The following ATP8B4 variants were observed in gnomAD, a reference collection of about 807,000 sequenced individuals.
ATP8B4 encodes the protein probable phospholipid-transporting ATPase IM.
A neutral mutation model predicts 145.6 loss-of-function variants in ATP8B4; 133 were observed. The observed-to-expected ratio is 0.91, with a 90% CI of 0.79 to 1.05. ATP8B4 has a LOEUF of 1.05. Among genes scored for constraint, ATP8B4 ranks in the 50% least tolerant of loss-of-function variants. The pLI, the probability that ATP8B4 is intolerant of heterozygous loss-of-function variation, is 0.00. For synonymous variants in ATP8B4, 507 were observed against 492.9 expected (o/e 1.03, Z -0.38); for missense variants, 1,458 against 1,425.2 (o/e 1.02, Z -0.37).
intron 3 of ATP8B4, among the ~76,000 whole-genome samples, chr15:50,063,355 G>A (rs2053161938): frequency 1.3e-5 from 2 of 151,672 alleles, no homozygotes; most frequent in Non-Finnish European, 2.9e-5. Flanking sequence ...GAATCACTAG[G>A]GGAGCTTTAA....
intron 9 of ATP8B4, among the ~76,000 whole-genome samples, chr15:49,993,882 G>T (rs1264478870): frequency 6.6e-6 from 1 of 152,014 alleles, no homozygotes; most frequent in Non-Finnish European, 1.5e-5. Context: ...AAAAAAGAGA[G>T]GTCTGTGTTG....
chr15:49,903,131 G>A (rs1169771196), intron 20 of ATP8B4, among the ~76,000 whole-genome samples: 1 of 152,096 alleles, frequency 6.6e-6, no homozygotes, highest in Non-Finnish European at 1.5e-5. Context: ...ACGTCTCTTG[G>A]CCAGATTGGG....
intron 1 of ATP8B4, among the ~76,000 whole-genome samples, chr15:50,116,131 G>A (rs1320260437): frequency 6.6e-6 from 1 of 152,064 alleles, no homozygotes; most frequent in African/African-American, 2.4e-5. Context: ...TAAATGATCT[G>A]TATGGGCCAG....
chr15:49,944,761 A>G (rs2042429366), intron 14 of ATP8B4, among the ~76,000 whole-genome samples: 1 of 152,186 alleles, frequency 6.6e-6, no homozygotes, highest in Admixed American at 6.5e-5. Flanking sequence ...AGCAGAATGC[A>G]CATTCTGTGT....
intron 26 of ATP8B4, among the ~76,000 whole-genome samples, chr15:49,863,087 C>T (rs543463025): frequency 5.3e-5 from 8 of 152,290 alleles, no homozygotes; most frequent in African/African-American, 7.2e-5. Flanking sequence ...AAGTAATGAT[C>T]GCATTGATTG....
intron 1 of ATP8B4, among the ~76,000 whole-genome samples, chr15:50,138,012 C>T (rs2044146227): frequency 6.6e-6 from 1 of 152,204 alleles, no homozygotes. Flanking sequence ...CCGTAATGCT[C>T]ATCTTAGTAT....
chr15:50,144,871 G>A (rs895552764), intron 1 of ATP8B4, among the ~76,000 whole-genome samples: 6 of 151,832 alleles, frequency 4.0e-5, no homozygotes, highest in African/African-American at 7.3e-5. Context: ...AAGCCGTCAC[G>A]GACTACTCTC....
chr15:49,907,174 A>C (rs1227546642), intron 20 of ATP8B4, among the ~76,000 whole-genome samples: 1 of 152,206 alleles, frequency 6.6e-6, no homozygotes, highest in African/African-American at 2.4e-5. Context: ...GACACTGATG[A>C]ACAGTAACAG....
chr15:50,153,680 C>A (rs955583429), intron 1 of ATP8B4, among the ~76,000 whole-genome samples: 1 of 152,044 alleles, frequency 6.6e-6, no homozygotes, highest in Non-Finnish European at 1.5e-5. Flanking sequence ...CAATGATGCA[C>A]GACCTACAAA....
chr15:50,014,247 C>A (rs533361636), intron 6 of ATP8B4, among the ~76,000 whole-genome samples: 79 of 152,130 alleles, frequency 5.2e-4, no homozygotes, highest in African/African-American at 1.8e-3. Flanking sequence ...TCCACTTAAC[C>A]CTGAGCTTGG....
chr15:50,175,969 G>A (rs1260391206), intron 1 of ATP8B4, among the ~76,000 whole-genome samples: 1 of 151,936 alleles, frequency 6.6e-6, no homozygotes, highest in African/African-American at 2.4e-5. Context: ...CAATCAATGA[G>A]TGGTTAAAGA....
At chr15:50,069,590 A>G (rs1356165575) in intron 3 of ATP8B4, among the ~76,000 whole-genome samples, 3 of 152,110 alleles carry the variant, frequency 2.0e-5, no homozygotes, top group African/African-American at 7.2e-5. Context: ...TATCTCCTTT[A>G]TCTACTTTTG....
At chr15:50,005,699 G>C (rs2153565202) in intron 7 of ATP8B4, among the ~76,000 whole-genome samples, 1 of 152,310 alleles carries the variant, frequency 6.6e-6, no homozygotes, top group African/African-American at 2.4e-5. Flanking sequence ...TTAGAATTTA[G>C]AACTTCTGAT....
intron 10 of ATP8B4, among the ~76,000 whole-genome samples, chr15:49,986,341 T>C (rs2046595585): frequency 6.6e-6 from 1 of 152,192 alleles, no homozygotes; most frequent in Non-Finnish European, 1.5e-5. Context: ...AGTAGGAAGA[T>C]AAAGGAATGT....
Position 50,059,029 on chromosome 15 carries a change from C to T in ATP8B4, c.88-11565G>A, listed in dbSNP as rs1467487162. On this transcript the variant is annotated intron_variant, in intron 3 of 27. Transcript: ENST00000284509. The stretch of plus-strand genomic sequence containing the variant: ...TCAATAATAATTTATGAATAAAGTG[C>T]CAATCTTTAATTTTTGTGATTATAT... 2.0e-5 allele frequency among the ~76,000 whole-genome samples: 3 copies of T among 151,952 alleles called. No individual in the cohort carries two copies. In the East Asian group the frequency reaches 5.8e-4, roughly 29 times the overall value.
intron 3 of ATP8B4, among the ~76,000 whole-genome samples, chr15:50,056,695 A>G (rs1230736321): frequency 7.1e-6 from 1 of 140,752 alleles, no homozygotes; most frequent in Non-Finnish European, 1.5e-5. Context: ...ATGTATATGT[A>G]TATGTGTATA....
intron 1 of ATP8B4, among the ~76,000 whole-genome samples, chr15:50,152,468 T>C (rs2044360397): frequency 6.6e-6 from 1 of 152,220 alleles, no homozygotes; most frequent in Non-Finnish European, 1.5e-5. Context: ...GTATCACTTA[T>C]TGTTTGACAA....
In ATP8B4 at chr15:49,923,473, A is replaced by G. The variant is rs746316816; in HGVS notation, c.1664T>C (p.Ile555Thr). The part of the protein sequence containing the change: ...SVIVRNPEGQ[I>T]KLYSKGADTI... ...ATCTGCTCCTTTGGAATAAAGCTTT[A>G]TCTGTCCTTCTGGGTTTCGAACTGA... Residue 555 changes from isoleucine to threonine, a missense_variant, in exon 17 of 28, where the codon ATA (isoleucine) becomes ACA (threonine). Ile to Thr is a moderately conservative substitution (Grantham distance 89). Transcript: ENST00000284509. The G allele has an allele frequency of 1.9e-6, 3 of 1,609,496 alleles. No homozygotes were observed. The highest frequency in any genetic ancestry group is 1.7e-6 in the Non-Finnish European group (2 of 1,178,400).
In ATP8B4 at chr15:50,042,659, G is replaced by GT. The variant is rs1470307822; in HGVS notation, c.300+1934dup. On this transcript the variant is annotated intron_variant, in intron 5 of 27. Coordinates refer to ENST00000284509, the MANE Select transcript of ATP8B4 (RefSeq NM_024837.4). The stretch of plus-strand genomic sequence containing the variant: ...CCCACCTCCCTCTACTGAATGTTAA[G>GT]TTTTTTTTAACTTCATTTTCTGGTG... 2.6e-5 allele frequency among the ~76,000 whole-genome samples: 4 copies of GT among 151,846 alleles called. No homozygotes were observed. The South Asian group carries it at 6.3e-4, about 24-fold the overall frequency.
Sources: allele counts gnomAD v4.1 joint callset (sites outside exome capture counted in the v4.1 genomes callset), GRCh38; gene constraint gnomAD v4.1.1; transcripts MANE v1.5; gene names NCBI Gene and HGNC (gene_info 2026-07-23, HGNC 2026-07-21).